The following AKT3 variants were observed in gnomAD, a reference collection of about 807,000 sequenced individuals.
The protein encoded by AKT3 is AKT serine/threonine kinase 3, also known as RAC-gamma serine/threonine-protein kinase.
Under a neutral mutation model 65.3 loss-of-function variants are expected in AKT3, and 15 were observed. That is an observed-to-expected ratio of 0.23 (90% CI 0.15 to 0.35). The LOEUF (loss-of-function observed/expected upper bound fraction) is 0.35, where lower values mean the gene tolerates loss of function less well. Among genes scored for constraint, AKT3 ranks in the 10% least tolerant of loss-of-function variants. AKT3 has a pLI of 1.00. For missense variants in AKT3, 243 were observed against 576.5 expected (o/e 0.42, Z 5.92); for synonymous variants, 206 against 183.8 (o/e 1.12, Z -0.98).
chr1:243,617,099 G>T (rs1003184921), intron 6 of AKT3, among the ~76,000 whole-genome samples: 1 of 152,088 alleles, frequency 6.6e-6, no homozygotes, highest in African/African-American at 2.4e-5. Context: ...TCATAGGAAA[G>T]AATTCCAAGA....
intron 2 of AKT3, among the ~76,000 whole-genome samples, chr1:243,770,490 A>T (rs191120536): frequency 6.6e-6 from 1 of 152,222 alleles, no homozygotes; most frequent in East Asian, 1.9e-4. Flanking sequence ...AATTGCTTTA[A>T]CATCCACCAA....
intron 2 of AKT3, among the ~76,000 whole-genome samples, chr1:243,832,918 C>G (rs1373066053): frequency 6.6e-6 from 1 of 151,972 alleles, no homozygotes; most frequent in African/African-American, 2.4e-5. Context: ...TGTTATGGAC[C>G]AAAACATCAT....
chr1:243,601,244 C>T (rs960992202), intron 8 of AKT3, among the ~76,000 whole-genome samples: 12 of 151,758 alleles, frequency 7.9e-5, no homozygotes, highest in Non-Finnish European at 1.0e-4. Context: ...TCTGACAACT[C>T]AATATTAAGA....
intron 8 of AKT3, among the ~76,000 whole-genome samples, chr1:243,606,567 G>A (rs752433002): frequency 6.6e-6 from 1 of 152,206 alleles, no homozygotes; most frequent in Non-Finnish European, 1.5e-5. Context: ...GCATTGAAGA[G>A]AACGCGGAGA....
intron 8 of AKT3, among the ~76,000 whole-genome samples, chr1:243,610,480 C>T (rs1262372558): frequency 6.6e-6 from 1 of 152,094 alleles, no homozygotes; most frequent in South Asian, 2.1e-4. Context: ...CACACAATAC[C>T]GTTTAAAAAA....
intron 12 of AKT3, among the ~76,000 whole-genome samples, chr1:243,525,343 T>G (rs979110078): frequency 4.6e-5 from 7 of 151,938 alleles, no homozygotes; most frequent in Non-Finnish European, 1.0e-4. Context: ...ATGCCCAGGA[T>G]ATATTCCAAA....
At chr1:243,589,698 G>A (rs1312710831) in intron 8 of AKT3, among the ~76,000 whole-genome samples, 1 of 152,102 alleles carries the variant, frequency 6.6e-6, no homozygotes, top group Non-Finnish European at 1.5e-5. Flanking sequence ...ATATCTATCT[G>A]AAGGAAATGA....
intron 11 of AKT3, among the ~76,000 whole-genome samples, chr1:243,547,507 A>G (rs1672758132): frequency 6.6e-6 from 1 of 152,306 alleles, no homozygotes; most frequent in African/African-American, 2.4e-5. Flanking sequence ...TAGAAAACAA[A>G]TACAGATGCT....
intron 9 of AKT3, among the ~76,000 whole-genome samples, chr1:243,570,387 C>A (rs1476820427): frequency 6.6e-6 from 1 of 152,186 alleles, no homozygotes; most frequent in Non-Finnish European, 1.5e-5. Context: ...TTGAAACACT[C>A]ATTCTCTTAC....
Position 243,798,412 on chromosome 1 carries a change from T to G in AKT3, c.46+44713A>C, listed in dbSNP as rs534351497. On this transcript the variant is annotated intron_variant, in intron 2 of 13. Transcript: ENST00000673466. ...TTTTTAATTTTTTTTTTTTTTTTTT[T>G]TTTTTGTTTTGTAGAGATGTGGTCT... Among the ~76,000 whole-genome samples the G allele has an allele frequency of 2.7e-4, 37 of 137,932 alleles. No homozygotes were observed. The East Asian group carries it at 4.1e-3, about 15-fold the overall frequency. The allele number at this position is 137,932 out of a possible 152,430, so 90.5% of individuals were successfully genotyped here.
At chr1:243,516,545 T>G (rs1670366166) in intron 12 of AKT3, among the ~76,000 whole-genome samples, 1 of 152,214 alleles carries the variant, frequency 6.6e-6, no homozygotes, top group Non-Finnish European at 1.5e-5. Flanking sequence ...ATTTTTCTAA[T>G]TCCTTTTTCT....
At chr1:243,704,578 G>A (rs973064015) in intron 2 of AKT3, among the ~76,000 whole-genome samples, 9 of 152,090 alleles carry the variant, frequency 5.9e-5, no homozygotes, top group East Asian at 1.9e-4. Flanking sequence ...AAAGGTAGTC[G>A]ATGATATTTG....
chr1:243,649,271 G>C (rs1201131064), intron 4 of AKT3, among the ~76,000 whole-genome samples: 1 of 150,574 alleles, frequency 6.6e-6, no homozygotes, highest in African/African-American at 2.5e-5. Context: ...CTTCCAAAAT[G>C]TACTCAGAAT....
chr1:243,576,807 A>T (rs2148515538), intron 8 of AKT3, among the ~76,000 whole-genome samples: 1 of 152,368 alleles, frequency 6.6e-6, no homozygotes, highest in South Asian at 2.1e-4. Flanking sequence ...TGGCCAAAGT[A>T]ATTTATAGAT....
chr1:243,640,012 A>G (rs1366965136), intron 5 of AKT3, among the ~76,000 whole-genome samples: 3 of 152,234 alleles, frequency 2.0e-5, no homozygotes, highest in African/African-American at 4.8e-5. Flanking sequence ...TTAAAATTTT[A>G]GAAATGCCTA....
At chr1:243,629,273 T>C (rs1553419199) in intron 6 of AKT3, among the ~76,000 whole-genome samples, 1 of 151,828 alleles carries the variant, frequency 6.6e-6, no homozygotes, top group Non-Finnish European at 1.5e-5. Flanking sequence ...CAAAACTCCA[T>C]CTCAAAAATA....
intron 9 of AKT3, among the ~76,000 whole-genome samples, chr1:243,569,672 C>T (rs752342233): frequency 3.9e-5 from 6 of 152,184 alleles, no homozygotes; most frequent in Non-Finnish European, 8.8e-5. Flanking sequence ...TAACTATTCT[C>T]ACATTAGGTG....
chr1:243,850,392 T>C (rs1253293308), upstream of AKT3, among the ~76,000 whole-genome samples: 4 of 150,466 alleles, frequency 2.7e-5, no homozygotes, highest in South Asian at 2.1e-4. Context: ...GAATCGGATA[T>C]CGGCTACAAA....
intron 3 of AKT3, among the ~76,000 whole-genome samples, chr1:243,689,468 ATATT>A (rs1348091533): frequency 3.5e-4 from 52 of 150,200 alleles, no homozygotes; most frequent in African/African-American, 1.2e-3. Flanking sequence ...TCTGTATATA[ATATT>A]TATTCAAAGA....
Sources: allele counts gnomAD v4.1 joint callset (sites outside exome capture counted in the v4.1 genomes callset), GRCh38; gene constraint gnomAD v4.1.1; transcripts MANE v1.5; gene names NCBI Gene and HGNC (gene_info 2026-07-23, HGNC 2026-07-21).